CSMD1: variants seen among roughly 807,000 people sequenced by gnomAD.
CSMD1 encodes the protein CUB and Sushi multiple domains 1.
Under a neutral mutation model 417.5 loss-of-function variants are expected in CSMD1, and 213 were observed. That is an observed-to-expected ratio of 0.51 (90% CI 0.46 to 0.57). The LOEUF is 0.57. Ranked by LOEUF, CSMD1 falls within the 20% of genes least tolerant of loss-of-function variation. CSMD1 has a pLI of 0.00. For missense variants in CSMD1, 6,923 were observed against 4,529.7 expected, an observed-to-expected ratio of 1.53 and a Z score of -15.17; for synonymous variants, 2,862 against 1,736.8, an observed-to-expected ratio of 1.65 and a Z score of -16.11.
chr8:4,976,134 G>A (rs1001102160), intron 1 of CSMD1, among the ~76,000 whole-genome samples: 2 of 152,158 alleles, frequency 1.3e-5, no homozygotes, highest in African/African-American at 2.4e-5. Context: ...CATAAGGGAA[G>A]AACAGACACT....
intron 2 of CSMD1, among the ~76,000 whole-genome samples, chr8:4,453,673 G>A (rs73660855): frequency 0.11 from 16,940 of 151,892 alleles, 1,152 homozygotes; most frequent in South Asian, 0.21. Context: ...TGCAGGTCCC[G>A]CAGTCTACAG....
intron 1 of CSMD1, among the ~76,000 whole-genome samples, chr8:4,752,312 C>A (rs1280083051): frequency 6.6e-6 from 1 of 152,146 alleles, no homozygotes; most frequent in Non-Finnish European, 1.5e-5. Context: ...TTTCACCTTG[C>A]TTGAAATTGC....
chr8:3,785,584 A>T (rs1479408814), intron 5 of CSMD1, among the ~76,000 whole-genome samples: 1 of 152,234 alleles, frequency 6.6e-6, no homozygotes, highest in African/African-American at 2.4e-5. Flanking sequence ...AGAACACTTA[A>T]TTGGATCATT....
intron 3 of CSMD1, among the ~76,000 whole-genome samples, chr8:4,377,425 C>T (rs149382221): frequency 3.3e-4 from 50 of 152,134 alleles, no homozygotes; most frequent in African/African-American, 1.2e-3. Flanking sequence ...GTTTTCAATG[C>T]GAAGTGAGAG....
intron 3 of CSMD1, among the ~76,000 whole-genome samples, chr8:4,059,081 T>C (rs554571676): frequency 6.6e-6 from 1 of 152,240 alleles, no homozygotes; most frequent in East Asian, 1.9e-4. Flanking sequence ...ACAGAAATTA[T>C]AACAAACTGT....
chr8:3,254,087 C>G (rs1013437804), intron 26 of CSMD1, among the ~76,000 whole-genome samples: 1 of 152,182 alleles, frequency 6.6e-6, no homozygotes, highest in Non-Finnish European at 1.5e-5. Flanking sequence ...CAGAATCTCT[C>G]AGCATTTGCT....
chr8:4,158,082 G>C (rs1329710055), intron 3 of CSMD1, among the ~76,000 whole-genome samples: 1 of 113,238 alleles, frequency 8.8e-6, no homozygotes, highest in Non-Finnish European at 1.9e-5. Flanking sequence ...TACAATACAA[G>C]AAAACCCTTT....
Position 3,679,447 on chromosome 8 carries a change from C to T in CSMD1, c.1009+28967G>A, listed in dbSNP as rs574185961. 6.6e-4 allele frequency among the ~76,000 whole-genome samples: 101 copies of T among 152,260 alleles called. 2 individuals carry two copies. The highest frequency in any genetic ancestry group is 1.9e-3 in the African/African-American group (81 of 41,552). On this transcript the variant is annotated intron_variant, in intron 7 of 69. Transcript: ENST00000635120. ...TCAAAAGAGACAAAGAAAGCCATTACGTAATGGTAAAGGGATCAATTCAAC... is the reference window on the plus strand; with the variant it reads ...TCAAAAGAGACAAAGAAAGCCATTATGTAATGGTAAAGGGATCAATTCAAC...
intron 5 of CSMD1, among the ~76,000 whole-genome samples, chr8:3,813,407 C>T (rs191254331): frequency 6.6e-6 from 1 of 151,960 alleles, no homozygotes; most frequent in Non-Finnish European, 1.5e-5. Flanking sequence ...GTGATATTTT[C>T]CCTAGGGGCC....
At chr8:4,450,532 G>C (rs1014416013) in intron 2 of CSMD1, among the ~76,000 whole-genome samples, 1 of 152,086 alleles carries the variant, frequency 6.6e-6, no homozygotes, top group Non-Finnish European at 1.5e-5. Context: ...CTACTTGGGA[G>C]GCTGAGGCAC....
At chr8:3,228,319 T>A (rs376744226) in intron 27 of CSMD1, among the ~76,000 whole-genome samples, 1 of 152,244 alleles carries the variant, frequency 6.6e-6, no homozygotes, top group Admixed American at 6.5e-5. Flanking sequence ...CATGCCCTAA[T>A]GGGCAAGCTT....
At chr8:4,559,763 T>C (rs1188726192) in intron 2 of CSMD1, among the ~76,000 whole-genome samples, 3 of 152,266 alleles carry the variant, frequency 2.0e-5, no homozygotes, top group African/African-American at 7.2e-5. Flanking sequence ...AGTCAGTTGT[T>C]ATCAGTGCAG....
intron 5 of CSMD1, among the ~76,000 whole-genome samples, chr8:3,869,091 T>A (rs949856245): frequency 1.3e-5 from 2 of 152,318 alleles, no homozygotes; most frequent in Middle Eastern, 3.4e-3. Flanking sequence ...AGGGACCTGG[T>A]GTCTAGTGTC....
At chr8:4,089,834 C>A (rs552964508) in intron 3 of CSMD1, among the ~76,000 whole-genome samples, 1 of 152,086 alleles carries the variant, frequency 6.6e-6, no homozygotes, top group East Asian at 1.9e-4. Context: ...AGAGCTGAGG[C>A]TTCTGGAATG....
chr8:3,189,753 G>A (rs1345095157), intron 34 of CSMD1, among the ~76,000 whole-genome samples, 159 bp downstream of exon 34: 1 of 135,502 alleles, frequency 7.4e-6, no homozygotes, highest in African/African-American at 2.5e-5. Context: ...ATAATTTTTA[G>A]GGTTTGGCTA....
chr8:4,819,409 A>G (rs965908224), intron 1 of CSMD1, among the ~76,000 whole-genome samples: 3 of 152,010 alleles, frequency 2.0e-5, no homozygotes, highest in Admixed American at 1.3e-4. Context: ...TCATTCTGCA[A>G]GCTTCATAGA....
Position 4,068,881 on chromosome 8 carries a change from G to C in CSMD1, c.416-36782C>G, listed in dbSNP as rs866285689. ...ACCATCTAGTTAGGCACTGCATTAT[G>C]TATGTAAAAATATGGTTATAATAAC... On this transcript the variant is annotated intron_variant, in intron 3 of 69. Coordinates refer to ENST00000635120, the MANE Select transcript of CSMD1 (RefSeq NM_033225.6). Among the ~76,000 whole-genome samples the C allele has an allele frequency of 6.6e-5, 10 of 152,160 alleles. 1 individual carries two copies. Among genetic ancestry groups the C allele is most frequent in the South Asian group, 6.2e-4 (3 of 4,826 alleles).
intron 23 of CSMD1, among the ~76,000 whole-genome samples, chr8:3,316,705 G>C (rs1338036582): frequency 6.6e-6 from 1 of 152,118 alleles, no homozygotes; most frequent in Non-Finnish European, 1.5e-5. Context: ...GATGGAGACA[G>C]GGATTGAAGG....
intron 52 of CSMD1, among the ~76,000 whole-genome samples, chr8:3,007,761 G>T (rs1338458959): frequency 7.3e-6 from 1 of 136,068 alleles, no homozygotes; most frequent in Non-Finnish European, 1.6e-5. Context: ...TCACACTCTG[G>T]GGACCGCTGT....
Sources: gnomAD v4.1 joint callset for allele counts (sites outside exome capture counted in the v4.1 genomes callset) on GRCh38, gnomAD v4.1.1 for gene constraint, MANE v1.5 for transcripts, NCBI Gene and HGNC (gene_info 2026-07-23, HGNC 2026-07-21) for gene names.